The following COL5A1 variants were observed in gnomAD, a reference collection of about 807,000 sequenced individuals.
The protein encoded by COL5A1 is collagen alpha-1(V) chain.
In COL5A1, 16 loss-of-function variants were observed where a neutral mutation model predicts 263.7. The ratio of observed to expected loss-of-function variants is 0.06; its 90% CI spans 0.04 to 0.09. The LOEUF (loss-of-function observed/expected upper bound fraction) is 0.09. Among genes scored for constraint, COL5A1 ranks in the 10% least tolerant of loss-of-function variants. COL5A1 has a pLI of 1.00. For synonymous variants in COL5A1, 1,012 were observed against 1,004.5 expected, an observed-to-expected ratio of 1.01 and a Z score of -0.14; for missense variants, 2,036 against 2,540.5, an observed-to-expected ratio of 0.80 and a Z score of 4.27.
At position 134,700,075 on chromosome 9, in the gene COL5A1, C is replaced by T. The variant is rs201223453; in HGVS notation, c.444C>T (p.Gly148=). The T allele has an allele frequency of 2.5e-6, 4 of 1,611,844 alleles. No homozygotes were observed. The highest frequency in any genetic ancestry group is 4.5e-5 in the East Asian group (2 of 44,870). ...FLYEDHTGKP[G]PEDYPLFRGI... Reference sequence around the variant, plus strand: ...ACGAGGACCACACGGGGAAGCCTGGCCCGGAAGACTACCCCCTCTTCCGGG... The same window carrying T: ...ACGAGGACCACACGGGGAAGCCTGGTCCGGAAGACTACCCCCTCTTCCGGG... The change falls in exon 3 of 66, where the codon GGC becomes GGT. Residue 148 remains glycine, a synonymous_variant. Coordinates refer to ENST00000371817, the MANE Select transcript of COL5A1 (RefSeq NM_000093.5). This position sits in a 1 kb window ranked among gnomAD's most constrained non-coding sequence, Gnocchi z 4.0.
chr9:134,792,842 TGTGTGTGCGC>T (rs1244545660), intron 32 of COL5A1, among the ~76,000 whole-genome samples: 3 of 150,208 alleles, frequency 2.0e-5, no homozygotes, highest in Admixed American at 6.7e-5. Context: ...CATGTGTATG[TGTGTGTGCGC>T]ACACGTGTGT....
rs114545633 is a variant in COL5A1 at position 134,778,689 on chromosome 9, G to A, written c.2386-1413G>A. ...CGGCTGCCTCCGCCCTGTGCTGGGC[G>A]TAGAGGGAGGTGTCCCAGGCCTCTC... On this transcript the variant is annotated intron_variant, in intron 27 of 65. Coordinates refer to ENST00000371817, the MANE Select transcript of COL5A1 (RefSeq NM_000093.5). Among the ~76,000 whole-genome samples the A allele has an allele frequency of 2.8e-3, 430 of 152,352 alleles. 2 individuals carry two copies. Among genetic ancestry groups the A allele is most frequent in the African/African-American group, 9.8e-3 (406 of 41,588 alleles).
In COL5A1 at chr9:134,642,604, A is replaced by G. The variant is rs556273934; in HGVS notation, c.109+308A>G. On this transcript the variant is annotated intron_variant, in intron 1 of 65. Coordinates refer to ENST00000371817, the MANE Select transcript of COL5A1 (RefSeq NM_000093.5). This position sits in a 1 kb window ranked among gnomAD's most constrained non-coding sequence, Gnocchi z 4.5. ...CACGAGGCGGGCAAACTTTTGTCCC[A>G]AAAACCTTCCTTCTCTGTCCCACAT... 2.0e-5 allele frequency among the ~76,000 whole-genome samples: 3 copies of G among 152,180 alleles called. No individual in the cohort carries two copies. Among genetic ancestry groups the G allele is most frequent in the Non-Finnish European group, 4.4e-5 (3 of 68,012 alleles).
chr9:134,730,215 G>A (rs1834827207), intron 6 of COL5A1, 21 bp from the exon 7 acceptor site: 1 of 1,612,208 alleles, frequency 6.2e-7, no homozygotes, highest in East Asian at 2.2e-5. Context: ...GACTCCAGCT[G>A]TCTCTGTCCT....
chr9:134,682,147 C>T lies in COL5A1; in HGVS notation c.110-8765C>T, dbSNP rs796237295. On this transcript the variant is annotated intron_variant, in intron 1 of 65. Coordinates refer to ENST00000371817, the MANE Select transcript of COL5A1 (RefSeq NM_000093.5). The surrounding 1 kb of genome is among the most constrained non-coding windows in gnomAD (Gnocchi z 5.1). ...GTGTTTGGCGGTGACCTCTGGAGGA[C>T]GGGCCGGGGAGCTTTAAGGGCCAGG... Among the ~76,000 whole-genome samples the T allele has an allele frequency of 1.7e-4, 26 of 152,270 alleles. No homozygotes were observed. The highest frequency in any genetic ancestry group is 5.1e-4 in the African/African-American group (21 of 41,560).
intron 34 of COL5A1, 63 bp from the exon 35 acceptor site, chr9:134,796,311 C>T: frequency 1.3e-6 from 2 of 1,557,672 alleles, no homozygotes; most frequent in South Asian, 1.1e-5. Context: ...CGTTGTGGGC[C>T]AGAGTCTTTT....
chr9:134,834,426 A>G (rs998861048), intron 64 of COL5A1, among the ~76,000 whole-genome samples: 8 of 152,186 alleles, frequency 5.3e-5, no homozygotes, highest in African/African-American at 1.7e-4. Flanking sequence ...ACGTGCAGGG[A>G]GAGCAGCTGC....
chr9:134,828,455 C>T (rs997882550), intron 63 of COL5A1, among the ~76,000 whole-genome samples: 11 of 144,268 alleles, frequency 7.6e-5, no homozygotes, highest in East Asian at 2.0e-4. Context: ...CACACACACA[C>T]GCAGATGCAC....
chr9:134,798,236 C>T (rs1837985956), intron 36 of COL5A1, among the ~76,000 whole-genome samples, 172 bp from the exon 37 acceptor site: 1 of 152,166 alleles, frequency 6.6e-6, no homozygotes, highest in African/African-American at 2.4e-5. Flanking sequence ...GAGCCAAGGA[C>T]AGCTTTAGAT....
chr9:134,657,434 T>C (rs1470411439), intron 1 of COL5A1, among the ~76,000 whole-genome samples: 1 of 20,600 alleles, frequency 4.9e-5, no homozygotes, highest in East Asian at 1.6e-3. Flanking sequence ...GGTGGGGGTG[T>C]AGTTTATAGA....
chr9:134,650,457 A>G (rs1831638861), intron 1 of COL5A1, among the ~76,000 whole-genome samples: 1 of 152,246 alleles, frequency 6.6e-6, no homozygotes, highest in African/African-American at 2.4e-5. Context: ...TGGACCCCTA[A>G]CATGAGACGG....
intron 64 of COL5A1, among the ~76,000 whole-genome samples, chr9:134,834,583 A>T (rs10114036): frequency 3.9e-5 from 6 of 152,236 alleles, no homozygotes; most frequent in African/African-American, 1.4e-4. Context: ...CCCTCTCTGA[A>T]CTTATAGTCT....
At chr9:134,684,998 C>T (rs1390129734) in intron 1 of COL5A1, among the ~76,000 whole-genome samples, 2 of 132,442 alleles carry the variant, frequency 1.5e-5, no homozygotes, top group African/African-American at 5.5e-5. Context: ...CATCCACCAT[C>T]CATCCATTAA....
chr9:134,797,455 C>T (rs1419972270), intron 36 of COL5A1, among the ~76,000 whole-genome samples: 1 of 151,912 alleles, frequency 6.6e-6, no homozygotes, highest in Non-Finnish European at 1.5e-5. Flanking sequence ...CGTGGACTTC[C>T]GTCTGTGTCT....
chr9:134,831,302 A>G (rs1035710656), intron 64 of COL5A1, among the ~76,000 whole-genome samples: 1 of 152,242 alleles, frequency 6.6e-6, no homozygotes, highest in Admixed American at 6.5e-5. Context: ...ATCATATACC[A>G]GCTCCTTTGC....
rs372445110 is a variant in COL5A1 at position 134,695,881 on chromosome 9, A to G, written c.278-4028A>G. On this transcript the variant is annotated intron_variant, in intron 2 of 65. Transcript: ENST00000371817. ...GGCAGCTTCCTCTCTGGAGCCCCTC[A>G]CCTGTCCCACCCCAATGTGGGACTG... 3.0e-3 allele frequency among the ~76,000 whole-genome samples: 453 copies of G among 152,254 alleles called. 2 individuals are homozygous for G. Among genetic ancestry groups the G allele is most frequent in the African/African-American group, 0.01 (426 of 41,544 alleles).
intron 63 of COL5A1, among the ~76,000 whole-genome samples, chr9:134,826,904 G>A (rs995430074): frequency 1.3e-5 from 2 of 152,102 alleles, no homozygotes; most frequent in Admixed American, 6.5e-5. Flanking sequence ...GTGCATGCAT[G>A]TAGACGGGCG....
chr9:134,711,395 C>T (rs1834038882), intron 4 of COL5A1, among the ~76,000 whole-genome samples: 1 of 152,092 alleles, frequency 6.6e-6, no homozygotes, highest in Admixed American at 6.5e-5. Context: ...GTCTTGATCC[C>T]AGAGCACATG....
At chr9:134,740,534 A>C (rs75597835) in intron 11 of COL5A1, among the ~76,000 whole-genome samples, 1 of 152,226 alleles carries the variant, frequency 6.6e-6, no homozygotes, top group Non-Finnish European at 1.5e-5. Context: ...CGGTTGACAC[A>C]CAGGGCACCC....
Sources: gnomAD v4.1 joint callset for allele counts (sites outside exome capture counted in the v4.1 genomes callset) on GRCh38, gnomAD v4.1.1 for gene constraint, Gnocchi (gnomAD v3.1) non-coding constraint, MANE v1.5 for transcripts, NCBI Gene and HGNC (gene_info 2026-07-23, HGNC 2026-07-21) for gene names.